Variants in ZNF16 observed in about 807,000 individuals in gnomAD.
The protein encoded by ZNF16 is zinc finger protein KOX9.
Under a neutral mutation model 9.0 loss-of-function variants are expected in ZNF16, and 7 were observed. The observed-to-expected ratio is 0.78, with a 90% confidence interval of 0.44 to 1.47. ZNF16 has a LOEUF of 1.47. Ranked by LOEUF, ZNF16 falls within the 40% of genes most tolerant of loss-of-function variation. The probability of loss-of-function intolerance (pLI) is 0.01; values close to 1 mark genes in which losing one functional copy is unlikely to be tolerated. For synonymous variants in ZNF16, 312 were observed against 301.5 expected, an observed-to-expected ratio of 1.03 and a Z score of -0.36; for missense variants, 830 against 854.2, an observed-to-expected ratio of 0.97 and a Z score of 0.35.
chr8:144,943,722 G>A (rs1018360343), intron 2 of ZNF16, among the ~76,000 whole-genome samples: 3 of 151,992 alleles, frequency 2.0e-5, no homozygotes, highest in Non-Finnish European at 4.4e-5. Context: ...GTTTCACCAC[G>A]TTGGCCAAGA....
At chr8:144,934,564 T>C (rs958075435) in intron 2 of ZNF16, among the ~76,000 whole-genome samples, 1 of 152,206 alleles carries the variant, frequency 6.6e-6, no homozygotes, top group Non-Finnish European at 1.5e-5. Flanking sequence ...CCAGGAGCAA[T>C]GAGGAATGGG....
rs769763434 is a variant in ZNF16, at chr8:144,946,010, C to G, written c.196+1G>C. On this transcript the variant is annotated splice_donor_variant, in intron 2 of 2. Coordinates refer to ENST00000394909, the MANE Select transcript of ZNF16 (RefSeq NM_006958.3). LOFTEE classifies it high-confidence loss of function. Reference sequence around the variant, plus strand: ...CCAGCGGAGAACTGTTCTTAAAGTACCTGGCTGCTGATAGTGAGGGCAGAT... The same window carrying G: ...CCAGCGGAGAACTGTTCTTAAAGTAGCTGGCTGCTGATAGTGAGGGCAGAT... 1 of 1,613,522 alleles carries G rather than the reference C, an allele frequency of 6.2e-7. No homozygotes were observed. Among genetic ancestry groups the G allele is most frequent in the South Asian group, 1.1e-5 (1 of 91,068 alleles).
chr8:144,939,376 G>C (rs547398263), intron 2 of ZNF16, among the ~76,000 whole-genome samples: 2 of 152,128 alleles, frequency 1.3e-5, no homozygotes, highest in East Asian at 3.9e-4. Flanking sequence ...AGGCCGAGGC[G>C]GGTGGATTGC....
intron 1 of ZNF16, among the ~76,000 whole-genome samples, chr8:144,949,827 G>A (rs1834051523): frequency 1.3e-5 from 2 of 152,288 alleles, no homozygotes; most frequent in South Asian, 4.1e-4. Context: ...TCTGAAATAT[G>A]GCCTCATGGG....
At chr8:144,941,953 G>T (rs1385806213) in intron 2 of ZNF16, among the ~76,000 whole-genome samples, 1 of 145,614 alleles carries the variant, frequency 6.9e-6, no homozygotes, top group Admixed American at 6.9e-5. Context: ...CACCGCGCCT[G>T]GCCTCTTGTG....
chr8:144,932,715 C>T lies in ZNF16; in HGVS notation c.197-125G>A. The T allele has an allele frequency of 1.0e-6, 1 of 952,508 alleles. No homozygotes were observed. The highest frequency in any genetic ancestry group is 1.6e-5 in the South Asian group (1 of 61,470). The allele number at this position is 952,508 out of a possible 1,614,324, so 59.0% of individuals were successfully genotyped here. On this transcript the variant is annotated intron_variant, in intron 2 of 2. Coordinates refer to ENST00000394909, the MANE Select transcript of ZNF16 (RefSeq NM_006958.3). This position sits in a 1 kb window ranked among gnomAD's most constrained non-coding sequence, Gnocchi z 5.0. ...GGGAGCAGGGGATCCTCTGGGGTGG[C>T]AGTCCAGATCAGAGGGCATCAGGGA...
At chr8:144,938,950 A>C (rs1428796143) in intron 2 of ZNF16, among the ~76,000 whole-genome samples, 6 of 151,906 alleles carry the variant, frequency 3.9e-5, no homozygotes, top group African/African-American at 1.5e-4. Flanking sequence ...TAACTGTGAA[A>C]GTGTTAGATT....
chr8:144,946,079 G>A lies in ZNF16; in HGVS notation c.128C>T (p.Ala43Val), dbSNP rs200954316. ...ACTACAGCAGGGGGTACCACAGGCT[G>A]CAGATCCAGGGTGGGTCACAGCAGG... ...DAPAVTHPGS[A>V]ACGTPCCSDT... Residue 43 changes from alanine (A) to valine (V), a missense_variant, in exon 2 of 3, where the codon GCA (alanine) becomes GTA (valine). Ala to Val is a moderately conservative substitution (Grantham distance 64). Coordinates refer to ENST00000394909, the MANE Select transcript of ZNF16 (RefSeq NM_006958.3). The A allele has an allele frequency of 6.2e-6, 10 of 1,613,448 alleles. No homozygotes were observed. Among genetic ancestry groups the A allele is most frequent in the African/African-American group, 1.3e-5 (1 of 75,008 alleles).
intron 1 of ZNF16, 83 bp from the exon 2 acceptor site, chr8:144,946,298 C>T (rs1833926196): frequency 1.5e-6 from 2 of 1,301,398 alleles, no homozygotes; most frequent in African/African-American, 1.5e-5. Context: ...GGGTCTCTTC[C>T]TCCACCCCTG....
At chr8:144,938,679 C>T (rs531425888) in intron 2 of ZNF16, among the ~76,000 whole-genome samples, 64 of 152,282 alleles carry the variant, frequency 4.2e-4, no homozygotes, top group South Asian at 8.3e-4. Context: ...TTCATATATA[C>T]GGATTCACAT....
chr8:144,946,279 A>G, intron 1 of ZNF16, 64 bp from the exon 2 acceptor site: 7 of 1,380,732 alleles, frequency 5.1e-6, no homozygotes, highest in Non-Finnish European at 5.7e-6. Context: ...TCATCCTCCC[A>G]TCAGGCCGGG....
At position 144,931,687 on chromosome 8, in the gene ZNF16, T is replaced by C. The variant is rs1448941421; in HGVS notation, c.1100A>G (p.His367Arg). Reference sequence around the variant, plus strand: ...CTTCTCTCCTGTGTGAGTCCTGTGGTGTTTGATGAGGTTTGAGCTTCGCCT... The same window carrying C: ...CTTCTCTCCTGTGTGAGTCCTGTGGCGTTTGATGAGGTTTGAGCTTCGCCT... ...AFRRSSNLIKHHRTHTGEKPF... is the reference protein window; with the variant it reads ...AFRRSSNLIKRHRTHTGEKPF... Residue 367 changes from histidine to arginine, a missense_variant, in exon 3 of 3, where the codon CAC (histidine) becomes CGC (arginine). Physicochemically the swap from His to Arg is conservative, Grantham distance 29. Coordinates refer to ENST00000394909, the MANE Select transcript of ZNF16 (RefSeq NM_006958.3). The C allele has an allele frequency of 1.2e-6, 2 of 1,613,652 alleles. No homozygotes were observed. The highest frequency in any genetic ancestry group is 1.7e-5 in the Admixed American group (1 of 60,004).
rs764688900 is a variant in ZNF16 at position 144,946,119 on chromosome 8, G to A, written c.88C>T (p.Arg30Cys). 8.7e-6 allele frequency: 14 copies of A among 1,608,180 alleles called. No homozygotes were observed. In the Admixed American group the frequency reaches 1.0e-4, roughly 12 times the overall value. ...PSPWTPAAQARVRDAPAVTHP... is the reference protein window; with the variant it reads ...PSPWTPAAQACVRDAPAVTHP... ...GTCACAGCAGGAGCATCTCTCACAC[G>A]GGCCTGGGCTGCAGGGGTCCAGGGG... Residue 30 changes from arginine to cysteine, a missense_variant, in exon 2 of 3, where the codon CGT becomes TGT. Coordinates refer to ENST00000394909, the MANE Select transcript of ZNF16 (RefSeq NM_006958.3).
Position 144,932,184 on chromosome 8 carries a change from C to A in ZNF16, c.603G>T (p.Gly201=), listed in dbSNP as rs1301988103. The change falls in exon 3 of 3, where the codon GGG becomes GGT. Residue 201 remains glycine (G), a synonymous_variant. Coordinates refer to ENST00000394909, the MANE Select transcript of ZNF16 (RefSeq NM_006958.3). The surrounding 1 kb of genome is among the most constrained non-coding windows in gnomAD (Gnocchi z 5.0). ...QHSVDLTGHE[G]VPTAESPLIC... ...TGAGTGGACTTTCAGCTGTGGGAAC[C>A]CCCTCATGACCAGTTAGGTCCACAC... 1 of 1,614,172 alleles carries A rather than the reference C, an allele frequency of 6.2e-7. No homozygotes were observed. Among genetic ancestry groups the A allele is most frequent in the African/African-American group, 1.3e-5 (1 of 75,052 alleles).
intron 1 of ZNF16, chr8:144,948,009 G>A (rs2130065874): frequency 6.5e-6 from 1 of 152,678 alleles, no homozygotes; most frequent in Non-Finnish European, 1.5e-5. Context: ...TGAGAATGAG[G>A]GTGTGGTCAA....
At position 144,946,224 on chromosome 8, in the gene ZNF16, C is replaced by T. The variant is rs368320501; in HGVS notation, c.-9-9G>A. ...CTGGGCATGACAAGGACCTGAAAAC[C>T]GGCAAGAACACAGGTGAGTCTACAG... On this transcript the variant is annotated splice_polypyrimidine_tract_variant and intron_variant, in intron 1 of 2. Coordinates refer to ENST00000394909, the MANE Select transcript of ZNF16 (RefSeq NM_006958.3). 7.3e-6 allele frequency: 11 copies of T among 1,500,736 alleles called. No homozygotes were observed. The highest frequency in any genetic ancestry group is 2.3e-5 in the East Asian group (1 of 43,374). The allele number at this position is 1,500,736 out of a possible 1,614,324, so 93.0% of individuals were successfully genotyped here. A position where few individuals can be genotyped will look rare whatever the true frequency, so the allele number is the denominator to read the frequency against.
rs972344473 is a variant in ZNF16, at chr8:144,947,325, T to C, written c.-9-1110A>G. Among the ~76,000 whole-genome samples, 32 of 140,106 alleles carry C rather than the reference T, an allele frequency of 2.3e-4. 1 individual carries two copies. Among genetic ancestry groups the C allele is most frequent in the African/African-American group, 8.8e-4 (31 of 35,034 alleles). 91.9% of individuals were successfully genotyped at this position (140,106 alleles called of 152,430 possible). A position where few individuals can be genotyped will look rare whatever the true frequency, so the allele number is the denominator to read the frequency against. ...GCGGGCCTGTACCCTGCTGCGGGCC[T>C]GTATCCTGCTGTGGGCCTGTGTCCT... On this transcript the variant is annotated intron_variant, in intron 1 of 2. Coordinates refer to ENST00000394909, the MANE Select transcript of ZNF16 (RefSeq NM_006958.3).
At chr8:144,935,187 T>A (rs954008060) in intron 2 of ZNF16, among the ~76,000 whole-genome samples, 6 of 145,886 alleles carry the variant, frequency 4.1e-5, no homozygotes, top group South Asian at 2.5e-4. Flanking sequence ...AAATAAAAAA[T>A]TTTATTTTCC....
chr8:144,932,239 T>C lies in ZNF16; in HGVS notation c.548A>G (p.Tyr183Cys). 1 of 1,614,192 alleles carries C rather than the reference T, an allele frequency of 6.2e-7. No homozygotes were observed. ...EIPTEERPHP[Y>C]DMGGQSFQHS... The stretch of plus-strand genomic sequence containing the variant: ...CTGGAAACTCTGGCCACCCATGTCA[T>C]ATGGATGTGGCCTCTCTTCTGTAGG... Residue 183 changes from tyrosine to cysteine, a missense_variant, in exon 3 of 3, where the codon TAT (tyrosine) becomes TGT (cysteine). Tyr to Cys is a radical substitution (Grantham distance 194). Coordinates refer to ENST00000394909, the MANE Select transcript of ZNF16 (RefSeq NM_006958.3). This position sits in a 1 kb window ranked among gnomAD's most constrained non-coding sequence, Gnocchi z 5.0.
Sources: allele counts gnomAD v4.1 joint callset (sites outside exome capture counted in the v4.1 genomes callset), GRCh38; gene constraint gnomAD v4.1.1; non-coding constraint Gnocchi (gnomAD v3.1); transcripts MANE v1.5; gene names NCBI Gene and HGNC (gene_info 2026-07-23, HGNC 2026-07-21).